NXPH2: variants seen among roughly 807,000 people sequenced by gnomAD.
NXPH2 encodes neurexophilin-2.
NXPH2 carries 5 observed loss-of-function variants against 19.8 expected under a neutral mutation model. The observed-to-expected ratio is 0.25, with a 90% CI of 0.13 to 0.53. The LOEUF (loss-of-function observed/expected upper bound fraction) is 0.53. Ranked by LOEUF, NXPH2 falls within the 20% of genes least tolerant of loss-of-function variation. The pLI is 0.96. For missense variants in NXPH2, 289 were observed against 322.8 expected (o/e 0.90, Z 0.80); for synonymous variants, 154 against 127.4 (o/e 1.21, Z -1.41).
At chr2:138,729,203 C>T (rs1053800024) in intron 1 of NXPH2, among the ~76,000 whole-genome samples, 20 of 152,096 alleles carry the variant, frequency 1.3e-4, no homozygotes, top group African/African-American at 4.8e-4. Context: ...TTCCCATAAT[C>T]CCCACATGTC....
At chr2:138,676,620 C>T (rs539975010) in intron 1 of NXPH2, among the ~76,000 whole-genome samples, 1 of 152,178 alleles carries the variant, frequency 6.6e-6, no homozygotes, top group South Asian at 2.1e-4. Flanking sequence ...CCTACATCTC[C>T]TTTGCTGTTT....
At chr2:138,720,267 C>T (rs1681257858) in intron 1 of NXPH2, among the ~76,000 whole-genome samples, 1 of 152,170 alleles carries the variant, frequency 6.6e-6, no homozygotes, top group Non-Finnish European at 1.5e-5. Context: ...CTGGGAGAGT[C>T]TTGTCTTCTT....
intron 1 of NXPH2, among the ~76,000 whole-genome samples, chr2:138,688,430 C>T (rs910002864): frequency 6.6e-6 from 1 of 152,124 alleles, no homozygotes; most frequent in African/African-American, 2.4e-5. Context: ...AATCCACCTG[C>T]CTCAACCTCC....
chr2:138,733,649 A>T (rs1681486278), intron 1 of NXPH2, among the ~76,000 whole-genome samples: 1 of 152,194 alleles, frequency 6.6e-6, no homozygotes, highest in Non-Finnish European at 1.5e-5. Flanking sequence ...TATTAATAAC[A>T]AGGGATATGA....
At chr2:138,753,393 A>G (rs1048322436) in intron 1 of NXPH2, among the ~76,000 whole-genome samples, 26 of 152,090 alleles carry the variant, frequency 1.7e-4, no homozygotes, top group Admixed American at 1.4e-3. Flanking sequence ...AAGACACTCT[A>G]GGACCATGTT....
At chr2:138,745,386 CT>C (rs1333585452) in intron 1 of NXPH2, among the ~76,000 whole-genome samples, 1 of 150,092 alleles carries the variant, frequency 6.7e-6, no homozygotes, top group Non-Finnish European at 1.5e-5. Flanking sequence ...GGAATAGAAT[CT>C]TTTTGCTAGT....
At chr2:138,751,863 G>T (rs1681834560) in intron 1 of NXPH2, among the ~76,000 whole-genome samples, 1 of 152,028 alleles carries the variant, frequency 6.6e-6, no homozygotes, top group Non-Finnish European at 1.5e-5. Context: ...AATTTAAATT[G>T]TAATGGTAAG....
In NXPH2 at chr2:138,671,369, G is replaced by A; in HGVS notation, c.348C>T (p.Asp116=). The A allele has an allele frequency of 6.2e-7, 1 of 1,613,948 alleles. No homozygotes were observed. Among genetic ancestry groups the A allele is most frequent in the East Asian group, 2.2e-5 (1 of 44,864 alleles). ...TGACAGTTTTAATGTTGGAATGAAAGTCACCCCATCCAAACATTTTCTTAA... is the reference window on the plus strand; with the variant it reads ...TGACAGTTTTAATGTTGGAATGAAAATCACCCCATCCAAACATTTTCTTAA... ...GKFKKMFGWG[D]FHSNIKTVKL... Residue 116 remains aspartate (D), a synonymous_variant, in exon 2 of 2, where the codon GAC becomes GAT. Coordinates refer to ENST00000272641, the MANE Select transcript of NXPH2 (RefSeq NM_007226.3).
intron 1 of NXPH2, among the ~76,000 whole-genome samples, chr2:138,775,971 T>C (rs1682254921): frequency 6.6e-6 from 1 of 152,140 alleles, no homozygotes; most frequent in Non-Finnish European, 1.5e-5. Context: ...AATTCTTTTT[T>C]CAAATCTTTC....
At position 138,670,128 on chromosome 2, in the gene NXPH2, ATTTTGTCAT is replaced by A. The variant is rs1680392938; in HGVS notation, c.*785_*793del. On this transcript the variant is annotated 3_prime_UTR_variant, in exon 2 of 2. Coordinates refer to ENST00000272641, the MANE Select transcript of NXPH2 (RefSeq NM_007226.3). ...GCTCTAAGCTATAGGATGCATACAAATTTTGTCATTTTTTGATTAATTCCACAGCATTTG... is the reference window on the plus strand; with the variant it reads ...GCTCTAAGCTATAGGATGCATACAAATTTTTGATTAATTCCACAGCATTTG... Among the ~76,000 whole-genome samples, 1 of 152,202 alleles carries A rather than the reference ATTTTGTCAT, an allele frequency of 6.6e-6. No individual in the cohort carries two copies. The highest frequency in any genetic ancestry group is 1.5e-5 in the Non-Finnish European group (1 of 68,028).
chr2:138,721,461 G>C (rs1170315171), intron 1 of NXPH2, among the ~76,000 whole-genome samples: 2 of 152,138 alleles, frequency 1.3e-5, no homozygotes, highest in East Asian at 3.9e-4. Flanking sequence ...TTATATTATA[G>C]AAGTTTGTTT....
At chr2:138,728,759 G>A (rs1185227019) in intron 1 of NXPH2, among the ~76,000 whole-genome samples, 1 of 152,164 alleles carries the variant, frequency 6.6e-6, no homozygotes, top group Non-Finnish European at 1.5e-5. Context: ...AGCAAGCTAT[G>A]CATAATAAAT....
At chr2:138,678,914 C>T (rs1680527519) in intron 1 of NXPH2, among the ~76,000 whole-genome samples, 1 of 152,140 alleles carries the variant, frequency 6.6e-6, no homozygotes, top group Admixed American at 6.5e-5. Context: ...GGGAAGGGAG[C>T]TAATGAAAGA....
chr2:138,724,733 GT>G (rs1463075265), intron 1 of NXPH2, among the ~76,000 whole-genome samples: 1 of 152,188 alleles, frequency 6.6e-6, no homozygotes. Flanking sequence ...ATATGTGTGT[GT>G]TTTTTTGTCC....
intron 1 of NXPH2, among the ~76,000 whole-genome samples, chr2:138,734,558 C>A (rs1681509759): frequency 6.6e-6 from 1 of 152,136 alleles, no homozygotes; most frequent in South Asian, 2.1e-4. Context: ...AAAAGGAATA[C>A]CTCCTTGTAG....
chr2:138,682,338 C>T (rs1287406823), intron 1 of NXPH2, among the ~76,000 whole-genome samples: 5 of 151,978 alleles, frequency 3.3e-5, no homozygotes, highest in South Asian at 2.1e-4. Context: ...ATGCATCTGC[C>T]GGACAGCATA....
rs570128760 is a variant in NXPH2, at chr2:138,691,078, C to T, written c.52-19413G>A. ...CTAGTCAGGGAAAGTGTGGTGAATT[C>T]TGAGAATTGCATGAGGCTAGTGTGG... is the stretch of plus-strand genomic sequence containing the variant. On this transcript the variant is annotated intron_variant, in intron 1 of 1. Coordinates refer to ENST00000272641, the MANE Select transcript of NXPH2 (RefSeq NM_007226.3). Among the ~76,000 whole-genome samples the T allele has an allele frequency of 1.0e-3, 156 of 152,236 alleles. 1 individual carries two copies. The highest frequency in any genetic ancestry group is 3.7e-3 in the African/African-American group (153 of 41,528).
chr2:138,780,052 C>T, intron 1 of NXPH2, 139 bp downstream of exon 1: 2 of 805,944 alleles, frequency 2.5e-6, no homozygotes, highest in Non-Finnish European at 1.8e-6. Flanking sequence ...TAAGGCAACC[C>T]AAAACTCCTT....
chr2:138,688,564 C>T (rs1167396692), intron 1 of NXPH2, among the ~76,000 whole-genome samples: 2 of 152,146 alleles, frequency 1.3e-5, no homozygotes, highest in African/African-American at 4.8e-5. Context: ...ACCCTTTCTC[C>T]ACTAAAGTAC....
Sources: allele counts gnomAD v4.1 joint callset (sites outside exome capture counted in the v4.1 genomes callset), GRCh38; gene constraint gnomAD v4.1.1; transcripts MANE v1.5; gene names NCBI Gene and HGNC (gene_info 2026-07-23, HGNC 2026-07-21).